Variants in LSAMP observed in about 807,000 individuals in gnomAD.
LSAMP encodes limbic system associated membrane protein.
Under a neutral mutation model 38.6 loss-of-function variants are expected in LSAMP, and 7 were observed. The ratio of observed to expected loss-of-function variants is 0.18; its 90% CI spans 0.10 to 0.34. The LOEUF (loss-of-function observed/expected upper bound fraction) is 0.34. Among genes scored for constraint, LSAMP ranks in the 10% least tolerant of loss-of-function variants. The pLI is 1.00. For synonymous variants in LSAMP, 154 were observed against 166.8 expected, an observed-to-expected ratio of 0.92 and a Z score of 0.59; for missense variants, 313 against 420.0, an observed-to-expected ratio of 0.75 and a Z score of 2.23.
intron 1 of LSAMP, among the ~76,000 whole-genome samples, chr3:116,220,683 C>T (rs2046273391): frequency 6.6e-6 from 1 of 152,202 alleles, no homozygotes; most frequent in African/African-American, 2.4e-5. Flanking sequence ...GTTTTAGGAT[C>T]AAACTGGAAT....
At chr3:116,030,177 A>G (rs945525523) in intron 2 of LSAMP, among the ~76,000 whole-genome samples, 2 of 152,166 alleles carry the variant, frequency 1.3e-5, no homozygotes, top group African/African-American at 4.8e-5. Flanking sequence ...TTCTATATGT[A>G]TTAAATGTTC....
chr3:115,998,373 C>T (rs1939888819), intron 3 of LSAMP, among the ~76,000 whole-genome samples: 1 of 151,954 alleles, frequency 6.6e-6, no homozygotes. Flanking sequence ...GAAAGTATAC[C>T]AGTGGGTGGA....
intron 3 of LSAMP, among the ~76,000 whole-genome samples, chr3:115,977,462 T>C (rs188171758): frequency 1.3e-4 from 20 of 152,310 alleles, no homozygotes; most frequent in Non-Finnish European, 2.4e-4. Context: ...ACCACTCTAA[T>C]TTACCATAGG....
rs149584033 is a variant in LSAMP, at chr3:115,936,093, A to C, written c.514+83422T>G. Among the ~76,000 whole-genome samples, 41 of 152,330 alleles carry C rather than the reference A, an allele frequency of 2.7e-4. 2 individuals are homozygous for C. In the East Asian group the frequency reaches 7.5e-3, roughly 28 times the overall value. On this transcript the variant is annotated intron_variant, in intron 3 of 6. Transcript: ENST00000490035. ...CTATAAGTGACATCCAAACCTCTCT[A>C]AACAAGCAAATCAATCTGGAAGTCC...
intron 3 of LSAMP, among the ~76,000 whole-genome samples, chr3:115,893,045 G>C (rs1238585279): frequency 6.6e-6 from 1 of 151,710 alleles, no homozygotes; most frequent in Non-Finnish European, 1.5e-5. Context: ...ACTAACACAG[G>C]AACAGAAAAC....
Position 116,069,384 on chromosome 3 carries a change from A to G in LSAMP, c.388+16940T>C, listed in dbSNP as rs114005271. 2.0e-3 allele frequency among the ~76,000 whole-genome samples: 311 copies of G among 152,274 alleles called. 1 individual carries two copies. Among genetic ancestry groups the G allele is most frequent in the Non-Finnish European group, 3.0e-3 (202 of 68,024 alleles). On this transcript the variant is annotated intron_variant, in intron 2 of 6. Transcript: ENST00000490035. ...GAAGTAAATTTGGAACAACGTTTGG[A>G]CTCATTCCGGGTCAGACTCTTATGT...
chr3:116,164,741 TCC>T lies in LSAMP; in HGVS notation c.156-78187_156-78186del, dbSNP rs1475634596. Among the ~76,000 whole-genome samples the T allele has an allele frequency of 9.0e-3, 550 of 61,080 alleles. 20 individuals carry two copies. Among genetic ancestry groups the T allele is most frequent in the African/African-American group, 0.017 (255 of 15,364 alleles). 40.1% of individuals were successfully genotyped at this position (61,080 alleles called of 152,430 possible). ...TATATATAATCCAAATATATATATA[TCC>T]ATATATATATATATATATTTTTTTT... On this transcript the variant is annotated intron_variant, in intron 1 of 6. Coordinates refer to ENST00000490035, the MANE Select transcript of LSAMP (RefSeq NM_002338.5).
At chr3:116,186,193 T>A (rs1406032995) in intron 1 of LSAMP, among the ~76,000 whole-genome samples, 1 of 152,140 alleles carries the variant, frequency 6.6e-6, no homozygotes, top group Non-Finnish European at 1.5e-5. Flanking sequence ...GGCTGCCAGA[T>A]GAAGTCTTCA....
chr3:116,012,404 A>G lies in LSAMP; in HGVS notation c.514+7111T>C, dbSNP rs562628259. On this transcript the variant is annotated intron_variant, in intron 3 of 6. Coordinates refer to ENST00000490035, the MANE Select transcript of LSAMP (RefSeq NM_002338.5). ...TGAAACACCAGTTTTGAAAAAAATA[A>G]CAAGGGTTGTAATTCACCATTATGG... 3.5e-4 allele frequency among the ~76,000 whole-genome samples: 53 copies of G among 152,332 alleles called. 1 individual carries two copies. The highest frequency in any genetic ancestry group is 1.1e-3 in the African/African-American group (47 of 41,582).
At chr3:116,277,321 C>T (rs961010784) in intron 1 of LSAMP, among the ~76,000 whole-genome samples, 1 of 151,950 alleles carries the variant, frequency 6.6e-6, no homozygotes, top group Non-Finnish European at 1.5e-5. Flanking sequence ...GCTGTTTGGT[C>T]CTAATAATTG....
At chr3:115,892,477 A>C (rs1936624258) in intron 3 of LSAMP, among the ~76,000 whole-genome samples, 1 of 152,018 alleles carries the variant, frequency 6.6e-6, no homozygotes, top group Non-Finnish European at 1.5e-5. Flanking sequence ...GAGAGAAGCC[A>C]GACACAAAAA....
chr3:116,241,357 A>G (rs776306279), intron 1 of LSAMP, among the ~76,000 whole-genome samples: 2 of 152,098 alleles, frequency 1.3e-5, no homozygotes, highest in Non-Finnish European at 2.9e-5. Context: ...GCCTGAGGTC[A>G]GGAGTTTGAG....
chr3:116,127,281 A>G (rs1411859776), intron 1 of LSAMP, among the ~76,000 whole-genome samples: 2 of 152,158 alleles, frequency 1.3e-5, no homozygotes, highest in African/African-American at 2.4e-5. Flanking sequence ...TGTTTTAATA[A>G]TTTTATATGG....
chr3:115,939,572 C>CTTTCTTTCTTTCTTTCTTTCTT (rs1559889094), intron 3 of LSAMP, among the ~76,000 whole-genome samples: 1 of 148,102 alleles, frequency 6.8e-6, no homozygotes, highest in East Asian at 2.0e-4. Context: ...TTCTTTCTTT[C>CTTTCTTTCTTTCTTTCTTTCTT]TTTCTTTCTT....
intron 3 of LSAMP, among the ~76,000 whole-genome samples, chr3:115,995,601 T>C (rs534755842): frequency 6.6e-6 from 1 of 151,812 alleles, no homozygotes; most frequent in South Asian, 2.1e-4. Context: ...TAGGGTTTTT[T>C]CCCCCCAATA....
At chr3:116,210,100 C>T (rs1157853298) in intron 1 of LSAMP, among the ~76,000 whole-genome samples, 3 of 152,094 alleles carry the variant, frequency 2.0e-5, no homozygotes, top group Non-Finnish European at 2.9e-5. Context: ...AACCTGTTTA[C>T]AAATAAATAA....
intron 3 of LSAMP, among the ~76,000 whole-genome samples, chr3:116,008,095 T>C (rs978672917): frequency 2.6e-5 from 4 of 152,214 alleles, no homozygotes; most frequent in Non-Finnish European, 4.4e-5. Flanking sequence ...TGATTGTAAT[T>C]TAAGTCTTTA....
intron 3 of LSAMP, among the ~76,000 whole-genome samples, chr3:115,941,873 A>G (rs996496873): frequency 2.0e-5 from 3 of 152,168 alleles, no homozygotes; most frequent in African/African-American, 7.2e-5. Flanking sequence ...GATCTAATGC[A>G]CAACTTGGTG....
At chr3:116,353,833 C>T (rs1172283542) in intron 1 of LSAMP, among the ~76,000 whole-genome samples, 1 of 152,000 alleles carries the variant, frequency 6.6e-6, no homozygotes, top group Admixed American at 6.6e-5. Context: ...AAATTATTAA[C>T]CTACTTCAGG....
Sources: allele counts gnomAD v4.1 joint callset (sites outside exome capture counted in the v4.1 genomes callset), GRCh38; gene constraint gnomAD v4.1.1; transcripts MANE v1.5; gene names NCBI Gene and HGNC (gene_info 2026-07-23, HGNC 2026-07-21).